ERBB4: variants seen among roughly 807,000 people sequenced by gnomAD.
ERBB4 encodes erb-b2 receptor tyrosine kinase 4.
A neutral mutation model predicts 158.0 loss-of-function variants in ERBB4; 42 were observed. The observed-to-expected ratio is 0.27, with a 90% CI of 0.21 to 0.34. The LOEUF (loss-of-function observed/expected upper bound fraction) is 0.34. Among genes scored for constraint, ERBB4 ranks in the 10% least tolerant of loss-of-function variants. The probability of loss-of-function intolerance (pLI) is 1.00; values close to 1 mark genes in which losing one functional copy is unlikely to be tolerated. For synonymous variants in ERBB4, 583 were observed against 558.7 expected (o/e 1.04, Z -0.61); for missense variants, 1,333 against 1,624.1 (o/e 0.82, Z 3.08).
chr2:212,106,778 C>A (rs1422388441), intron 2 of ERBB4, among the ~76,000 whole-genome samples: 1 of 152,198 alleles, frequency 6.6e-6, no homozygotes, highest in Non-Finnish European at 1.5e-5. Flanking sequence ...GGACTTGGTG[C>A]CCTGTGCCCC....
At chr2:212,033,212 T>C (rs2076941509) in intron 2 of ERBB4, among the ~76,000 whole-genome samples, 1 of 152,026 alleles carries the variant, frequency 6.6e-6, no homozygotes, top group Admixed American at 6.6e-5. Context: ...ACTTATTCTT[T>C]GTACACTTTT....
At chr2:212,232,184 T>G (rs1559802480) in intron 1 of ERBB4, among the ~76,000 whole-genome samples, 1 of 152,108 alleles carries the variant, frequency 6.6e-6, no homozygotes, top group African/African-American at 2.4e-5. Flanking sequence ...TATCAATGAG[T>G]TAATATATGT....
intron 23 of ERBB4, among the ~76,000 whole-genome samples, chr2:211,423,615 G>A (rs571653532): frequency 5.3e-5 from 8 of 152,020 alleles, no homozygotes; most frequent in Admixed American, 3.9e-4. Context: ...ATTGAAAAAA[G>A]TAAACATTTA....
intron 1 of ERBB4, among the ~76,000 whole-genome samples, chr2:212,525,173 G>A (rs1278702110): frequency 6.6e-6 from 1 of 151,972 alleles, no homozygotes; most frequent in Non-Finnish European, 1.5e-5. Context: ...ACGTCAAAAA[G>A]AGGCTCCACA....
rs193286092 is a variant in ERBB4 at position 211,557,489 on chromosome 2, C to T, written c.2487+4414G>A. ...GACACTTTTCAAAAGAAGTCGTACACGCAACCAGCAAGCATATGAAAAAAA... is the reference window on the plus strand; with the variant it reads ...GACACTTTTCAAAAGAAGTCGTACATGCAACCAGCAAGCATATGAAAAAAA... On this transcript the variant is annotated intron_variant, in intron 20 of 27. Coordinates refer to ENST00000342788, the MANE Select transcript of ERBB4 (RefSeq NM_005235.3). 1.3e-4 allele frequency among the ~76,000 whole-genome samples: 20 copies of T among 152,062 alleles called. No individual in the cohort carries two copies. In the East Asian group the frequency reaches 3.3e-3, roughly 25 times the overall value.
intron 1 of ERBB4, among the ~76,000 whole-genome samples, chr2:212,127,514 C>A (rs1291305187): frequency 6.6e-6 from 1 of 152,088 alleles, no homozygotes; most frequent in Non-Finnish European, 1.5e-5. Context: ...ATGGCATGAA[C>A]CCGGGAGGTG....
Position 212,223,427 on chromosome 2 carries a change from A to AT in ERBB4, c.83-98525dup, listed in dbSNP as rs61444594. On this transcript the variant is annotated intron_variant, in intron 1 of 27. Coordinates refer to ENST00000342788, the MANE Select transcript of ERBB4 (RefSeq NM_005235.3). ...ATATTTATCAAATATATATATATAT[A>AT]TTTTTTTTATTTATATACATTTCTT... is the stretch of plus-strand genomic sequence containing the variant. Among the ~76,000 whole-genome samples the AT allele has an allele frequency of 1.0e-2, 1,304 of 130,920 alleles. 20 individuals are homozygous for AT. Among genetic ancestry groups the AT allele is most frequent in the African/African-American group, 0.033 (1,236 of 37,674 alleles). The allele number at this position is 130,920 out of a possible 152,430, so 85.9% of individuals were successfully genotyped here. A position where few individuals can be genotyped will look rare whatever the true frequency, so the allele number is the denominator to read the frequency against.
chr2:211,397,333 C>T (rs944272357), intron 25 of ERBB4, among the ~76,000 whole-genome samples: 3 of 152,176 alleles, frequency 2.0e-5, no homozygotes, highest in Non-Finnish European at 4.4e-5. Context: ...TCCATTTACA[C>T]GGTTGCTGCC....
chr2:212,352,543 G>A (rs1397130222), intron 1 of ERBB4, among the ~76,000 whole-genome samples: 1 of 152,050 alleles, frequency 6.6e-6, no homozygotes, highest in Non-Finnish European at 1.5e-5. Flanking sequence ...GTATGCAAAT[G>A]TATATGTGTA....
At chr2:211,925,640 G>A (rs937046786) in intron 3 of ERBB4, among the ~76,000 whole-genome samples, 3 of 151,792 alleles carry the variant, frequency 2.0e-5, no homozygotes, top group Non-Finnish European at 4.4e-5. Context: ...CTCGGCCTCC[G>A]AAAGTGCTAG....
At chr2:211,752,664 T>G (rs1409973929) in intron 4 of ERBB4, among the ~76,000 whole-genome samples, 1 of 152,158 alleles carries the variant, frequency 6.6e-6, no homozygotes, top group Non-Finnish European at 1.5e-5. Context: ...ATTTTTTAAC[T>G]TCTTATTCTT....
chr2:211,667,427 G>C (rs2071672299), intron 14 of ERBB4, among the ~76,000 whole-genome samples: 1 of 150,090 alleles, frequency 6.7e-6, no homozygotes, highest in Admixed American at 6.6e-5. Context: ...CTATTTTGCT[G>C]TGAGGCTCAG....
At chr2:212,430,591 C>G (rs969467529) in intron 1 of ERBB4, among the ~76,000 whole-genome samples, 2 of 152,018 alleles carry the variant, frequency 1.3e-5, no homozygotes, top group African/African-American at 4.8e-5. Flanking sequence ...CAGGTGCCTA[C>G]CACCACACCT....
chr2:212,067,316 A>G (rs2077974929), intron 2 of ERBB4, among the ~76,000 whole-genome samples: 2 of 151,998 alleles, frequency 1.3e-5, no homozygotes, highest in Admixed American at 1.3e-4. Context: ...TGGTCTTCCC[A>G]TGATTATCTT....
At chr2:212,288,092 A>G (rs1254217970) in intron 1 of ERBB4, among the ~76,000 whole-genome samples, 3 of 152,140 alleles carry the variant, frequency 2.0e-5, no homozygotes, top group African/African-American at 7.2e-5. Context: ...AGATGAGAAG[A>G]GAGAAAATCA....
chr2:211,767,712 T>C (rs2106257513), intron 4 of ERBB4, among the ~76,000 whole-genome samples: 1 of 152,204 alleles, frequency 6.6e-6, no homozygotes, highest in South Asian at 2.1e-4. Flanking sequence ...TCACTCACTA[T>C]CACCACAGCA....
chr2:212,308,680 C>T (rs76435340), intron 1 of ERBB4, among the ~76,000 whole-genome samples: 20,472 of 150,862 alleles, frequency 0.14, 1,477 homozygotes, highest in South Asian at 0.23. Flanking sequence ...AGGCTGTATG[C>T]CTAAATCCTA....
chr2:211,530,996 C>G (rs1404224885), intron 20 of ERBB4, among the ~76,000 whole-genome samples: 2 of 152,006 alleles, frequency 1.3e-5, no homozygotes, highest in Non-Finnish European at 2.9e-5. Flanking sequence ...TTAGAGAACC[C>G]AGAAATAAAT....
In ERBB4 at chr2:211,592,233, G is replaced by A. The variant is rs1045755359; in HGVS notation, c.2301+26944C>T. On this transcript the variant is annotated intron_variant, in intron 19 of 27. Transcript: ENST00000342788. The stretch of plus-strand genomic sequence containing the variant: ...ATCGGATGAATTCCTGGGAACTGCG[G>A]GTATTGCTCGCCACAGTATCTTATC... Among the ~76,000 whole-genome samples, 91 of 152,280 alleles carry A rather than the reference G, an allele frequency of 6.0e-4. 1 individual carries two copies. Among genetic ancestry groups the A allele is most frequent in the African/African-American group, 1.8e-3 (74 of 41,554 alleles).
Sources: gnomAD v4.1 joint callset for allele counts (sites outside exome capture counted in the v4.1 genomes callset) on GRCh38, gnomAD v4.1.1 for gene constraint, MANE v1.5 for transcripts, NCBI Gene and HGNC (gene_info 2026-07-23, HGNC 2026-07-21) for gene names.